ABL2: variants seen among roughly 807,000 people sequenced by gnomAD.
The protein encoded by ABL2 is ABL proto-oncogene 2, non-receptor tyrosine kinase.
Under a neutral mutation model 107.7 loss-of-function variants are expected in ABL2, and 49 were observed. That is an observed-to-expected ratio of 0.45 (90% CI 0.36 to 0.58). The LOEUF (loss-of-function observed/expected upper bound fraction) is 0.58. Ranked by LOEUF, ABL2 falls within the 20% of genes least tolerant of loss-of-function variation. The pLI is 0.00. For missense variants in ABL2, 1,245 were observed against 1,457.0 expected (o/e 0.85, Z 2.37); for synonymous variants, 549 against 548.6 (o/e 1.00, Z -0.01).
intron 3 of ABL2, among the ~76,000 whole-genome samples, chr1:179,129,207 A>G (rs949024109): frequency 3.3e-5 from 5 of 152,236 alleles, no homozygotes; most frequent in Admixed American, 1.3e-4. Context: ...GTCATAACCC[A>G]TAAGTGAGGA....
intron 5 of ABL2, 97 bp from the exon 6 acceptor site, chr1:179,120,371 T>C: frequency 1.6e-6 from 1 of 617,774 alleles, no homozygotes. Flanking sequence ...GCTTCAGCTT[T>C]AAAAGTAAAA....
chr1:179,138,881 C>T (rs981146863), intron 1 of ABL2, among the ~76,000 whole-genome samples: 3 of 152,224 alleles, frequency 2.0e-5, no homozygotes, highest in African/African-American at 7.2e-5. Flanking sequence ...GCCGCGCTTG[C>T]GGGCCAGCTG....
At position 179,107,417 on chromosome 1, in the gene ABL2, G is replaced by T; in HGVS notation, c.*301C>A. The T allele has an allele frequency of 2.7e-6, 1 of 372,454 alleles. No homozygotes were observed. Among genetic ancestry groups the T allele is most frequent in the Non-Finnish European group, 4.8e-6 (1 of 209,154 alleles). 23.1% of individuals were successfully genotyped at this position (372,454 alleles called of 1,614,324 possible). On this transcript the variant is annotated 3_prime_UTR_variant, in exon 12 of 12. Transcript: ENST00000502732. The stretch of plus-strand genomic sequence containing the variant: ...CTGCCTAGCACTTCCCAGCATTCCA[G>T]GTAGGGATGGGCTGCATTGCCTTCC...
In ABL2 at chr1:179,108,119, T is replaced by C. The variant is rs779405200; in HGVS notation, c.3148A>G (p.Thr1050Ala). ...VMPPPQVPLP[T>A]SSISPAKMAN... ...ATTTTGGCTGGCGAGATGGAAGATG[T>C]GGGCAGAGGCACTTGAGGTGGAGGC... The change falls in exon 12 of 12, where the codon ACA becomes GCA. Residue 1050 changes from threonine to alanine, a missense_variant. Transcript: ENST00000502732. The C allele has an allele frequency of 2.5e-5, 41 of 1,614,088 alleles. No individual in the cohort carries two copies. The highest frequency in any genetic ancestry group is 3.5e-5 in the Non-Finnish European group (41 of 1,180,038).
chr1:179,107,872 T>A lies in ABL2; in HGVS notation c.3395A>T (p.Asn1132Ile). The A allele has an allele frequency of 6.2e-7, 1 of 1,614,194 alleles. No individual in the cohort carries two copies. Among genetic ancestry groups the A allele is most frequent in the South Asian group, 1.1e-5 (1 of 91,086 alleles). ...CACAGCCTCTCGGAAGGCAAATTTG[T>A]TGCGAGTTTGAGGGATGCAGTCCAC... is the stretch of plus-strand genomic sequence containing the variant. Reference protein sequence around the residue: ...GYVDCIPQTRNKFAFREAVSK... With the variant: ...GYVDCIPQTRIKFAFREAVSK... The change falls in exon 12 of 12, where the codon AAC (asparagine) becomes ATC (isoleucine). Residue 1132 changes from asparagine to isoleucine, a missense_variant. Around this residue, in one of 3 missense-constraint regions of ABL2, gnomAD observed 761 missense variants for 766.4 expected, o/e 0.99. Transcript: ENST00000502732.
At chr1:179,140,934 G>A (rs1225608514) in intron 1 of ABL2, among the ~76,000 whole-genome samples, 1 of 152,004 alleles carries the variant, frequency 6.6e-6, no homozygotes, top group Non-Finnish European at 1.5e-5. Flanking sequence ...GAGGTCAGGA[G>A]TTCGAGACCA....
chr1:179,195,411 C>T (rs1193508928), intron 1 of ABL2, among the ~76,000 whole-genome samples: 1 of 152,074 alleles, frequency 6.6e-6, no homozygotes, highest in African/African-American at 2.4e-5. Flanking sequence ...AAACTAGAAC[C>T]CTTGTGCATT....
intron 1 of ABL2, among the ~76,000 whole-genome samples, chr1:179,188,339 G>A (rs1412912210): frequency 6.6e-6 from 1 of 152,040 alleles, no homozygotes; most frequent in Admixed American, 6.6e-5. Flanking sequence ...GGCAGGAGTT[G>A]GAGATGAGCC....
At chr1:179,120,314 G>C in intron 5 of ABL2, 40 bp from the exon 6 acceptor site, 1 of 1,302,154 alleles carries the variant, frequency 7.7e-7, no homozygotes, top group South Asian at 1.3e-5. Flanking sequence ...AAACGAGAGG[G>C]ACAAACCCTC....
chr1:179,229,658 GCCGCCGCCA>G lies in ABL2; in HGVS notation c.-270_-262del. ...CGCCGCCGCCGCCGCCGCCGCCACCGCCGCCGCCATCTTTAAACCACCGAGCGCTGGGAA... is the reference window on the plus strand; with the variant it reads ...CGCCGCCGCCGCCGCCGCCGCCACCGTCTTTAAACCACCGAGCGCTGGGAA... On this transcript the variant is annotated 5_prime_UTR_variant, in exon 1 of 12. The change abolishes an upstream ATG in the 5' untranslated region. Transcript: ENST00000502732. 1 of 474,346 alleles carries G rather than the reference GCCGCCGCCA, an allele frequency of 2.1e-6. No individual in the cohort carries two copies. Among genetic ancestry groups the G allele is most frequent in the Admixed American group, 4.6e-5 (1 of 21,692 alleles). The allele number at this position is 474,346 out of a possible 1,614,324, so 29.4% of individuals were successfully genotyped here.
intron 1 of ABL2, among the ~76,000 whole-genome samples, chr1:179,150,529 G>A (rs999631491): frequency 2.0e-5 from 3 of 152,230 alleles, no homozygotes; most frequent in African/African-American, 7.2e-5. Context: ...AGATGTGACT[G>A]AATTGTTGCA....
intron 4 of ABL2, among the ~76,000 whole-genome samples, chr1:179,123,520 C>T (rs562737849): frequency 1.6e-4 from 25 of 152,044 alleles, no homozygotes; most frequent in Non-Finnish European, 2.9e-4. Context: ...AAGAAAAGAG[C>T]CACACTGGAT....
chr1:179,197,335 T>C (rs756342179), intron 1 of ABL2, among the ~76,000 whole-genome samples: 7 of 151,868 alleles, frequency 4.6e-5, no homozygotes, highest in South Asian at 2.1e-4. Flanking sequence ...AGTTTCTCAA[T>C]AGCAACAATG....
chr1:179,110,863 A>G, intron 10 of ABL2: 1 of 1,613,806 alleles, frequency 6.2e-7, no homozygotes, highest in Non-Finnish European at 8.5e-7. Context: ...ATCACAGGGT[A>G]TACGTGTATT....
At chr1:179,135,555 T>C (rs1479105050) in intron 1 of ABL2, among the ~76,000 whole-genome samples, 2 of 149,748 alleles carry the variant, frequency 1.3e-5, no homozygotes, top group Non-Finnish European at 3.0e-5. Context: ...GTCTGGGAAG[T>C]GAGGAGCGTC....
intron 1 of ABL2, among the ~76,000 whole-genome samples, chr1:179,187,980 A>C (rs1660770347): frequency 1.3e-5 from 2 of 152,106 alleles, no homozygotes; most frequent in Non-Finnish European, 2.9e-5. Flanking sequence ...AATCCCCATC[A>C]CTACTCCCAC....
intron 2 of ABL2, among the ~76,000 whole-genome samples, chr1:179,132,494 A>C (rs2102669990): frequency 6.6e-6 from 1 of 152,090 alleles, no homozygotes; most frequent in South Asian, 2.1e-4. Context: ...CAACACTTTT[A>C]TGTCTCTCTT....
chr1:179,176,401 T>G (rs1222813710), intron 1 of ABL2, among the ~76,000 whole-genome samples: 2 of 152,156 alleles, frequency 1.3e-5, no homozygotes, highest in African/African-American at 4.8e-5. Context: ...ATTTTCCCAA[T>G]GTTTAACAGG....
chr1:179,118,868 A>G (rs2102618142), intron 6 of ABL2, 104 bp from the exon 7 acceptor site: 1 of 1,271,034 alleles, frequency 7.9e-7, no homozygotes, highest in Non-Finnish European at 1.1e-6. Context: ...TAGTTCGGCA[A>G]TAATCTTTTC....
Sources: gnomAD v4.1 joint callset for allele counts (sites outside exome capture counted in the v4.1 genomes callset) on GRCh38, gnomAD v4.1.1 for gene constraint, gnomAD v4.1.1 regional missense constraint, MANE v1.5 for transcripts, NCBI Gene and HGNC (gene_info 2026-07-23, HGNC 2026-07-21) for gene names.